Variants in FHIT observed in about 807,000 individuals in gnomAD.
FHIT encodes fragile histidine triad diadenosine triphosphatase, also known as bis(5'-adenosyl)-triphosphatase.
In FHIT, 19 loss-of-function variants were observed where a neutral mutation model predicts 17.9. That is an observed-to-expected ratio of 1.06 (90% CI 0.74 to 1.56). The LOEUF (loss-of-function observed/expected upper bound fraction) is 1.56, where lower values mean the gene tolerates loss of function less well. Among genes scored for constraint, FHIT ranks in the 40% most tolerant of loss-of-function variants. The pLI, the probability that FHIT is intolerant of heterozygous loss-of-function variation, is 0.00. For synonymous variants in FHIT, 81 were observed against 69.7 expected (o/e 1.16, Z -0.81); for missense variants, 248 against 189.2 (o/e 1.31, Z -1.82).
At chr3:60,357,046 T>A (rs1297986963) in intron 5 of FHIT, among the ~76,000 whole-genome samples, 2 of 152,028 alleles carry the variant, frequency 1.3e-5, no homozygotes, top group Non-Finnish European at 2.9e-5. Flanking sequence ...TACAGTCAGG[T>A]TCTAGTTCAA....
At chr3:60,120,029 T>G (rs775909329) in intron 5 of FHIT, among the ~76,000 whole-genome samples, 6 of 152,198 alleles carry the variant, frequency 3.9e-5, no homozygotes, top group Non-Finnish European at 7.3e-5. Flanking sequence ...TCAACATTCC[T>G]GAAGCTTACG....
At chr3:59,965,565 C>A (rs1473649922) in intron 7 of FHIT, among the ~76,000 whole-genome samples, 2 of 152,056 alleles carry the variant, frequency 1.3e-5, no homozygotes, top group African/African-American at 4.8e-5. Context: ...CTTAACAAAT[C>A]CATGAGTGAT....
chr3:59,986,161 G>A (rs891507913), intron 7 of FHIT, among the ~76,000 whole-genome samples: 7 of 151,926 alleles, frequency 4.6e-5, no homozygotes, highest in Admixed American at 3.3e-4. Context: ...AACTGTAGCA[G>A]CTAACTTTCT....
chr3:60,339,933 C>G (rs541613089), intron 5 of FHIT, among the ~76,000 whole-genome samples: 1 of 152,172 alleles, frequency 6.6e-6, no homozygotes, highest in East Asian at 1.9e-4. Flanking sequence ...AGAGGAGATT[C>G]TGAAAGTTGC....
At chr3:59,813,377 G>A (rs527690182) in intron 8 of FHIT, among the ~76,000 whole-genome samples, 35 of 152,298 alleles carry the variant, frequency 2.3e-4, no homozygotes, top group African/African-American at 7.2e-4. Flanking sequence ...AGGTTCGCCT[G>A]AGGACGTACC....
At chr3:60,086,686 C>G (rs1392123473) in intron 5 of FHIT, among the ~76,000 whole-genome samples, 3 of 152,192 alleles carry the variant, frequency 2.0e-5, no homozygotes, top group African/African-American at 7.2e-5. Context: ...CTTAAAGCTA[C>G]AAAATAATCT....
intron 5 of FHIT, among the ~76,000 whole-genome samples, chr3:60,251,680 C>G (rs1414023780): frequency 1.3e-5 from 2 of 152,162 alleles, no homozygotes; most frequent in South Asian, 4.1e-4. Context: ...ACAGGCACTT[C>G]TAGTTAATCT....
chr3:60,094,265 A>G (rs1269908310), intron 5 of FHIT, among the ~76,000 whole-genome samples: 1 of 152,148 alleles, frequency 6.6e-6, no homozygotes, highest in Non-Finnish European at 1.5e-5. Context: ...GACACTTATG[A>G]GAAATTAAAA....
intron 4 of FHIT, among the ~76,000 whole-genome samples, chr3:60,544,799 A>T (rs1396187083): frequency 3.3e-5 from 5 of 151,780 alleles, no homozygotes; most frequent in Non-Finnish European, 7.4e-5. Context: ...GTTTTACCAC[A>T]TTGGCCAGGC....
chr3:59,846,658 C>T (rs995076317), intron 8 of FHIT, among the ~76,000 whole-genome samples: 9 of 152,044 alleles, frequency 5.9e-5, no homozygotes, highest in African/African-American at 2.2e-4. Flanking sequence ...ATATATTTAC[C>T]AATACAAAGA....
intron 5 of FHIT, among the ~76,000 whole-genome samples, chr3:60,129,940 C>A (rs1297844636): frequency 6.6e-6 from 1 of 152,014 alleles, no homozygotes; most frequent in Non-Finnish European, 1.5e-5. Context: ...GTTTTTGTGC[C>A]CTTTTCTAGA....
At chr3:61,044,517 T>C (rs1426036646) in intron 2 of FHIT, among the ~76,000 whole-genome samples, 1 of 151,990 alleles carries the variant, frequency 6.6e-6, no homozygotes, top group Non-Finnish European at 1.5e-5. Context: ...TTGGTGTACC[T>C]GAAAGTGATG....
At chr3:60,558,760 T>TGCAGG (rs1356779830) in intron 4 of FHIT, among the ~76,000 whole-genome samples, 1 of 152,168 alleles carries the variant, frequency 6.6e-6, no homozygotes, top group East Asian at 1.9e-4. Flanking sequence ...CATGTTCTCC[T>TGCAGG]GCAGGGCATT....
At chr3:61,115,117 T>A (rs944399480) in intron 2 of FHIT, among the ~76,000 whole-genome samples, 1 of 152,138 alleles carries the variant, frequency 6.6e-6, no homozygotes, top group African/African-American at 2.4e-5. Context: ...TTGTTCTAGG[T>A]GTTGGGGCTA....
intron 7 of FHIT, among the ~76,000 whole-genome samples, chr3:59,941,794 G>C (rs80321892): frequency 0.018 from 2,785 of 152,220 alleles, 96 homozygotes; most frequent in African/African-American, 0.064. Context: ...AACGCTCCCT[G>C]CTCTCTCCTG....
rs530830117 is a variant in FHIT at position 61,066,321 on chromosome 3, A to G, written c.-163-24222T>C. ...AAAACACAGCATTCATCTTCTTAAC[A>G]TAGCCAAAAAGGCCGGGCATGGTGG... On this transcript the variant is annotated intron_variant, in intron 2 of 9. Coordinates refer to ENST00000492590, the MANE Select transcript of FHIT (RefSeq NM_002012.4). Among the ~76,000 whole-genome samples the G allele has an allele frequency of 1.6e-3, 244 of 152,284 alleles. 1 individual carries two copies. The highest frequency in any genetic ancestry group is 5.2e-3 in the African/African-American group (215 of 41,560).
intron 4 of FHIT, among the ~76,000 whole-genome samples, chr3:60,557,477 T>A (rs2036781203): frequency 6.6e-6 from 1 of 151,928 alleles, no homozygotes; most frequent in African/African-American, 2.4e-5. Context: ...CCACAGAGTC[T>A]GTCTGTTTGG....
At chr3:60,630,963 GA>G (rs2039426363) in intron 4 of FHIT, among the ~76,000 whole-genome samples, 7 of 104,026 alleles carry the variant, frequency 6.7e-5, no homozygotes, top group Non-Finnish European at 1.4e-4. Flanking sequence ...AAAACACACA[GA>G]AATAACTGAG....
intron 4 of FHIT, among the ~76,000 whole-genome samples, chr3:60,632,861 T>C (rs1351382488): frequency 2.0e-5 from 3 of 152,212 alleles, no homozygotes; most frequent in Non-Finnish European, 4.4e-5. Context: ...AGGTTATTTC[T>C]AGACCCAGAG....
Sources: allele counts gnomAD v4.1 joint callset (sites outside exome capture counted in the v4.1 genomes callset), GRCh38; gene constraint gnomAD v4.1.1; transcripts MANE v1.5; gene names NCBI Gene and HGNC (gene_info 2026-07-23, HGNC 2026-07-21).